The following PDE6B variants were observed in gnomAD, a reference collection of about 807,000 sequenced individuals.
PDE6B encodes phosphodiesterase 6B.
PDE6B carries 106 observed loss-of-function variants against 109.0 expected under a neutral mutation model. The ratio of observed to expected loss-of-function variants is 0.97; its 90% CI spans 0.83 to 1.14. The LOEUF (loss-of-function observed/expected upper bound fraction) is 1.14, where lower values mean the gene tolerates loss of function less well. PDE6B is among the 50% of genes most tolerant of loss of function. The pLI, the probability that PDE6B is intolerant of heterozygous loss-of-function variation, is 0.00. For synonymous variants in PDE6B, 490 were observed against 471.3 expected (o/e 1.04, Z -0.51); for missense variants, 1,193 against 1,155.6 (o/e 1.03, Z -0.47).
chr4:659,667 TATGTGTGTGC>T (rs898234845), intron 11 of PDE6B, among the ~76,000 whole-genome samples: 53 of 150,490 alleles, frequency 3.5e-4, no homozygotes, highest in East Asian at 7.9e-4. Flanking sequence ...TGCCCACGAG[TATGTGTGTGC>T]ATGTGTGTGC....
chr4:656,562 CG>C (rs1736279865), intron 8 of PDE6B, among the ~76,000 whole-genome samples: 2 of 151,436 alleles, frequency 1.3e-5, no homozygotes, highest in African/African-American at 4.9e-5. Flanking sequence ...CACACCCCTG[CG>C]AGGCCGTGAC....
intron 5 of PDE6B, 142 bp downstream of exon 5, chr4:654,296 G>T (rs755656501): frequency 2.6e-6 from 2 of 759,906 alleles, no homozygotes; most frequent in South Asian, 2.9e-5. Flanking sequence ...CCTGTCTGTG[G>T]TCTCCACCAG....
At position 635,964 on chromosome 4, in the gene PDE6B, G is replaced by A. The variant is rs75543439; in HGVS notation, c.706G>A (p.Gly236Ser). The part of the protein sequence containing the change: ...SYLHNCETRR[G>S]QVLLWSANKV... ...CCTCCACAACTGCGAGACGCGCCGC[G>A]GCCAGGTACCCACACGCTGAGCACA... Residue 236 changes from glycine (G) to serine (S), a missense_variant, in exon 3 of 22, where the codon GGC becomes AGC. Physicochemically the swap from Gly to Ser is moderately conservative, Grantham distance 56. Coordinates refer to ENST00000496514, the MANE Select transcript of PDE6B (RefSeq NM_000283.4). 8.0e-5 allele frequency: 127 copies of A among 1,593,762 alleles called. 1 individual carries two copies. In the African/African-American group the frequency reaches 1.5e-3, roughly 19 times the overall value.
At position 665,020 on chromosome 4, in the gene PDE6B, G is replaced by A. The variant is rs1737627786; in HGVS notation, c.2193+76G>A. On this transcript the variant is annotated intron_variant, in intron 18 of 21. Coordinates refer to ENST00000496514, the MANE Select transcript of PDE6B (RefSeq NM_000283.4). This position sits in a 1 kb window ranked among gnomAD's most constrained non-coding sequence, Gnocchi z 4.0. ...GGACTGCCGGGCGGGCGGGAGCCTC[G>A]GATGGCAACGGACCATTGTTTGCAA... The A allele has an allele frequency of 1.6e-5, 19 of 1,180,100 alleles. No homozygotes were observed. The highest frequency in any genetic ancestry group is 1.0e-4 in the Admixed American group (6 of 58,130). The allele number at this position is 1,180,100 out of a possible 1,614,324, so 73.1% of individuals were successfully genotyped here. A position where few individuals can be genotyped will look rare whatever the true frequency, so the allele number is the denominator to read the frequency against.
Position 670,337 on chromosome 4 carries a change from G to A in PDE6B, c.*230G>A, listed in dbSNP as rs566702336. ...AGCTCACTGCAACCTCCACCTCCCA[G>A]GTTCAAGCGATTCTCGTGCCTCAGC... On this transcript the variant is annotated 3_prime_UTR_variant, in exon 22 of 22. Transcript: ENST00000496514. 8.1e-6 allele frequency: 4 copies of A among 492,468 alleles called. No individual in the cohort carries two copies. The highest frequency in any genetic ancestry group is 1.4e-5 in the Non-Finnish European group (4 of 285,476). The allele number at this position is 492,468 out of a possible 1,614,324, so 30.5% of individuals were successfully genotyped here.
intron 3 of PDE6B, among the ~76,000 whole-genome samples, chr4:641,454 T>G (rs1167435644): frequency 1.3e-5 from 2 of 152,178 alleles, no homozygotes; most frequent in African/African-American, 4.8e-5. Flanking sequence ...GGTCCCTGAG[T>G]GCCTGAGGCC....
chr4:655,246 C>G, intron 6 of PDE6B: 1 of 361,436 alleles, frequency 2.8e-6, no homozygotes, highest in Non-Finnish European at 5.3e-6. Flanking sequence ...CCAGCCCCAC[C>G]CAGACAGTGG....
chr4:654,910 A>T, intron 6 of PDE6B, 22 bp downstream of exon 6: 1 of 1,390,196 alleles, frequency 7.2e-7, no homozygotes, highest in Non-Finnish European at 1.0e-6. Flanking sequence ...ATTTTACCAG[A>T]AGCGTCCCCG....
In PDE6B at chr4:666,132, C is replaced by T. The variant is rs1349711055; in HGVS notation, c.2269-399C>T. On this transcript the variant is annotated intron_variant, in intron 19 of 21. Transcript: ENST00000496514. The surrounding 1 kb of genome is among the most constrained non-coding windows in gnomAD (Gnocchi z 5.6). ...AAACAGCTCCAGAGCACGTCTGTGT[C>T]TGCCCCAGGCGAGTGCACAGCGAGG... 2.0e-5 allele frequency among the ~76,000 whole-genome samples: 3 copies of T among 152,172 alleles called. No individual in the cohort carries two copies. Among genetic ancestry groups the T allele is most frequent in the African/African-American group, 7.2e-5 (3 of 41,432 alleles).
At position 664,237 on chromosome 4, in the gene PDE6B, G is replaced by A. The variant is rs202218348; in HGVS notation, c.2129+16G>A. 3.3e-4 allele frequency: 448 copies of A among 1,340,450 alleles called. 2 individuals carry two copies. In the East Asian group the frequency reaches 7.8e-3, roughly 23 times the overall value. The allele number at this position is 1,340,450 out of a possible 1,614,324, so 83.0% of individuals were successfully genotyped here. On this transcript the variant is annotated intron_variant, in intron 17 of 21. Transcript: ENST00000496514. ...AGATCGTCATGTGAGCGCGGGCGGA[G>A]GGGGCACGAGGGGTCCTTCCCTCGC... is the stretch of plus-strand genomic sequence containing the variant.
intron 3 of PDE6B, among the ~76,000 whole-genome samples, chr4:643,251 C>T (rs1006107977): frequency 3.3e-5 from 5 of 151,292 alleles, no homozygotes; most frequent in East Asian, 1.9e-4. Context: ...GAGGTTGCAG[C>T]GAGCCAAGAT....
chr4:663,567 C>T lies in PDE6B; in HGVS notation c.1921-203C>T, dbSNP rs111917442. On this transcript the variant is annotated intron_variant, in intron 15 of 21. Coordinates refer to ENST00000496514, the MANE Select transcript of PDE6B (RefSeq NM_000283.4). This position sits in a 1 kb window ranked among gnomAD's most constrained non-coding sequence, Gnocchi z 4.0. The stretch of plus-strand genomic sequence containing the variant: ...GTGACCTCTGAGGCCATCTGCGTCC[C>T]AAGCCGACGATGGAGCCGCTGGTGG... Among the ~76,000 whole-genome samples the T allele has an allele frequency of 6.0e-3, 910 of 152,322 alleles. 8 individuals carry two copies. The highest frequency in any genetic ancestry group is 0.021 in the African/African-American group (862 of 41,580).
Position 660,362 on chromosome 4 carries a change from C to T in PDE6B, c.1468-105C>T, listed in dbSNP as rs1285748282. On this transcript the variant is annotated intron_variant, in intron 11 of 21. Transcript: ENST00000496514. ...GAATGACACATCTCCTCAGAGATGC[C>T]TGAGGTGTCTGAGGCTTGGCAGGGG... 4 of 1,145,530 alleles carry T rather than the reference C, an allele frequency of 3.5e-6. No homozygotes were observed. In the African/African-American group the frequency reaches 4.6e-5, roughly 13 times the overall value. The allele number at this position is 1,145,530 out of a possible 1,614,324, so 71.0% of individuals were successfully genotyped here. A position where few individuals can be genotyped will look rare whatever the true frequency, so the allele number is the denominator to read the frequency against.
intron 1 of PDE6B, among the ~76,000 whole-genome samples, chr4:629,905 C>T (rs561778222): frequency 1.3e-5 from 2 of 152,146 alleles, no homozygotes; most frequent in East Asian, 3.9e-4. Flanking sequence ...CTGCTAGAGG[C>T]AGAGCAAATG....
intron 3 of PDE6B, among the ~76,000 whole-genome samples, chr4:650,368 A>C (rs1056555405): frequency 1.3e-5 from 2 of 152,212 alleles, no homozygotes; most frequent in African/African-American, 4.8e-5. Flanking sequence ...CCCTGTCCCC[A>C]CTGCCCAGGA....
chr4:642,094 T>C (rs1275451481), intron 3 of PDE6B, among the ~76,000 whole-genome samples: 1 of 152,248 alleles, frequency 6.6e-6, no homozygotes, highest in East Asian at 1.9e-4. Context: ...AAGTATAATG[T>C]TGAATGTGAG....
At position 660,575 on chromosome 4, in the gene PDE6B, G is replaced by A. The variant is rs527236091; in HGVS notation, c.1576G>A (p.Glu526Lys). ...CAAATGTGGCATCCAGATGTACTACGAGCTGGGCGTGGTCCGAAAGTTCCA... is the reference window on the plus strand; with the variant it reads ...CAAATGTGGCATCCAGATGTACTACAAGCTGGGCGTGGTCCGAAAGTTCCA... The part of the protein sequence containing the change: ...LVKCGIQMYY[E>K]LGVVRKFQIP... Residue 526 changes from glutamate (E) to lysine (K), a missense_variant, in exon 12 of 22, where the codon GAG (glutamate) becomes AAG (lysine). Transcript: ENST00000496514. 6.2e-6 allele frequency: 10 copies of A among 1,613,804 alleles called. No individual in the cohort carries two copies. The East Asian group carries it at 1.1e-4, about 18-fold the overall frequency.
Position 663,753 on chromosome 4 carries a change from G to A in PDE6B, c.1921-17G>A. 2 of 1,600,658 alleles carry A rather than the reference G, an allele frequency of 1.2e-6. No homozygotes were observed. Among genetic ancestry groups the A allele is most frequent in the South Asian group, 2.2e-5 (2 of 90,774 alleles). Reference sequence around the variant, plus strand: ...GTGGCCGCAGGGCGCCTGACGCGCTGGGCATAACCTCCGCAGACCCTGAAC... The same window carrying A: ...GTGGCCGCAGGGCGCCTGACGCGCTAGGCATAACCTCCGCAGACCCTGAAC... On this transcript the variant is annotated splice_polypyrimidine_tract_variant and intron_variant, in intron 15 of 21. Coordinates refer to ENST00000496514, the MANE Select transcript of PDE6B (RefSeq NM_000283.4). The surrounding 1 kb of genome is among the most constrained non-coding windows in gnomAD (Gnocchi z 4.0).
At chr4:656,824 G>T in intron 8 of PDE6B, 50 bp from the exon 9 acceptor site, 1 of 1,602,016 alleles carries the variant, frequency 6.2e-7, no homozygotes, top group Non-Finnish European at 8.5e-7. Context: ...ACACGCCCGG[G>T]CCAGGGCCAG....
Sources: allele counts gnomAD v4.1 joint callset (sites outside exome capture counted in the v4.1 genomes callset), GRCh38; gene constraint gnomAD v4.1.1; non-coding constraint Gnocchi (gnomAD v3.1); transcripts MANE v1.5; gene names NCBI Gene and HGNC (gene_info 2026-07-23, HGNC 2026-07-21).